DCLK2: variants seen among roughly 807,000 people sequenced by gnomAD.
The protein encoded by DCLK2 is doublecortin like kinase 2, also known as serine/threonine-protein kinase DCLK2.
In DCLK2, 31 loss-of-function variants were observed where a neutral mutation model predicts 78.4. The observed-to-expected ratio is 0.40, with a 90% CI of 0.30 to 0.53. The LOEUF (loss-of-function observed/expected upper bound fraction) is 0.53, where lower values mean the gene tolerates loss of function less well. Ranked by LOEUF, DCLK2 falls within the 20% of genes least tolerant of loss-of-function variation. The pLI is 0.61. For synonymous variants in DCLK2, 407 were observed against 374.9 expected (o/e 1.09, Z -0.99); for missense variants, 872 against 973.7 (o/e 0.90, Z 1.39).
Position 150,175,052 on chromosome 4 carries a change from T to TTA in DCLK2, c.757-18076_757-18075dup, listed in dbSNP as rs1171255687. 1.1e-4 allele frequency among the ~76,000 whole-genome samples: 3 copies of TTA among 27,764 alleles called. 1 individual carries two copies. Among genetic ancestry groups the TTA allele is most frequent in the African/African-American group, 2.3e-4 (2 of 8,798 alleles). 18.2% of individuals were successfully genotyped at this position (27,764 alleles called of 152,430 possible). ...TATATATTTATATATATTTATATAT[T>TTA]TATATATATATTTATATATATTTAT... On this transcript the variant is annotated intron_variant, in intron 2 of 15. Coordinates refer to ENST00000296550, the MANE Select transcript of DCLK2 (RefSeq NM_001040260.4).
At chr4:150,136,979 C>CTTCTTTTT (rs777609272) in intron 2 of DCLK2, among the ~76,000 whole-genome samples, 1 of 82,406 alleles carries the variant, frequency 1.2e-5, no homozygotes, top group African/African-American at 4.5e-5. Context: ...TCTTCTTCTT[C>CTTCTTTTT]TTTTTTTTTT....
chr4:150,115,449 C>T (rs1032953393), intron 2 of DCLK2, among the ~76,000 whole-genome samples: 10 of 151,560 alleles, frequency 6.6e-5, no homozygotes, highest in Non-Finnish European at 1.3e-4. Context: ...GTTTTGTTGC[C>T]GGAATTATTT....
chr4:150,136,044 G>C (rs956669051), intron 2 of DCLK2, among the ~76,000 whole-genome samples: 3 of 152,136 alleles, frequency 2.0e-5, no homozygotes, highest in African/African-American at 7.2e-5. Context: ...TCAGTTATGG[G>C]CACTCACAGG....
chr4:150,218,209 CT>C (rs751864603), intron 5 of DCLK2, among the ~76,000 whole-genome samples: 1 of 151,514 alleles, frequency 6.6e-6, no homozygotes, highest in Non-Finnish European at 1.5e-5. Context: ...TTCCTGGTCT[CT>C]TTCCCTGCTC....
chr4:150,133,794 T>C (rs1185386892), intron 2 of DCLK2, among the ~76,000 whole-genome samples: 3 of 152,212 alleles, frequency 2.0e-5, no homozygotes, highest in African/African-American at 7.2e-5. Context: ...TAATAGTAGG[T>C]TGCATTAGAT....
intron 2 of DCLK2, among the ~76,000 whole-genome samples, chr4:150,164,289 T>G (rs1735909758): frequency 6.6e-6 from 1 of 152,170 alleles, no homozygotes. Context: ...GATTAAGTGG[T>G]CTGGGTTGGG....
intron 8 of DCLK2, among the ~76,000 whole-genome samples, chr4:150,231,124 T>C (rs1302252635): frequency 6.6e-6 from 1 of 152,264 alleles, no homozygotes; most frequent in African/African-American, 2.4e-5. Context: ...TGATAATGTG[T>C]GTATAAGAAA....
chr4:150,181,413 T>C (rs1737509046), intron 2 of DCLK2, among the ~76,000 whole-genome samples: 2 of 152,154 alleles, frequency 1.3e-5, no homozygotes, highest in Non-Finnish European at 2.9e-5. Flanking sequence ...TGACCTCTTT[T>C]ACAGGAAGAA....
chr4:150,248,908 A>T (rs1202922303), intron 14 of DCLK2, among the ~76,000 whole-genome samples: 1 of 151,734 alleles, frequency 6.6e-6, no homozygotes, highest in Non-Finnish European at 1.5e-5. Context: ...GGGAAACATG[A>T]TCCAATAAAT....
chr4:150,098,644 A>G (rs890290368), intron 1 of DCLK2, among the ~76,000 whole-genome samples: 1 of 145,890 alleles, frequency 6.9e-6, no homozygotes, highest in South Asian at 2.2e-4. Flanking sequence ...CAGTTTTAAC[A>G]TACGTTGGCA....
chr4:150,190,484 C>G (rs1738372913), intron 2 of DCLK2, among the ~76,000 whole-genome samples: 1 of 152,062 alleles, frequency 6.6e-6, no homozygotes, highest in Non-Finnish European at 1.5e-5. Flanking sequence ...GAATGAACTG[C>G]TGATAAATGT....
chr4:150,227,746 C>G (rs1741722965), intron 8 of DCLK2, among the ~76,000 whole-genome samples: 1 of 152,220 alleles, frequency 6.6e-6, no homozygotes, highest in East Asian at 1.9e-4. Flanking sequence ...GTACAAAGCT[C>G]TGAGCTTTCT....
chr4:150,101,961 G>C (rs1730925836), intron 1 of DCLK2, among the ~76,000 whole-genome samples: 1 of 152,170 alleles, frequency 6.6e-6, no homozygotes, highest in African/African-American at 2.4e-5. Context: ...CCTTGTACCT[G>C]AGTATAATTG....
At chr4:150,103,804 G>A (rs1003915009) in intron 2 of DCLK2, among the ~76,000 whole-genome samples, 12 of 152,030 alleles carry the variant, frequency 7.9e-5, no homozygotes, top group Non-Finnish European at 1.3e-4. Context: ...TTAAAAATAC[G>A]TTCTAAAGAT....
chr4:150,202,054 G>A (rs563825420), intron 4 of DCLK2, among the ~76,000 whole-genome samples: 1 of 152,160 alleles, frequency 6.6e-6, no homozygotes, highest in East Asian at 1.9e-4. Flanking sequence ...GTTACAATTA[G>A]CCTGCACCTA....
chr4:150,217,011 A>G (rs1473019682), intron 5 of DCLK2, among the ~76,000 whole-genome samples: 1 of 152,194 alleles, frequency 6.6e-6, no homozygotes, highest in Non-Finnish European at 1.5e-5. Context: ...CTGTCTCAGC[A>G]TCATAGTTGC....
At chr4:150,161,527 C>T (rs1052756614) in intron 2 of DCLK2, among the ~76,000 whole-genome samples, 4 of 152,048 alleles carry the variant, frequency 2.6e-5, no homozygotes, top group African/African-American at 9.7e-5. Context: ...AGACATGAGA[C>T]TGATAAAAGA....
chr4:150,091,853 T>G (rs1730104471), intron 1 of DCLK2, among the ~76,000 whole-genome samples: 1 of 151,802 alleles, frequency 6.6e-6, no homozygotes, highest in Middle Eastern at 3.2e-3. Flanking sequence ...CTTTCAAATT[T>G]AAGTGCAACG....
At chr4:150,127,841 A>G (rs1430442115) in intron 2 of DCLK2, among the ~76,000 whole-genome samples, 2 of 152,190 alleles carry the variant, frequency 1.3e-5, no homozygotes, top group African/African-American at 2.4e-5. Flanking sequence ...ATTGCCCAGT[A>G]TAAGAGCATC....
Sources: allele counts gnomAD v4.1 joint callset (sites outside exome capture counted in the v4.1 genomes callset), GRCh38; gene constraint gnomAD v4.1.1; transcripts MANE v1.5; gene names NCBI Gene and HGNC (gene_info 2026-07-23, HGNC 2026-07-21).